Variants in ZFAT observed in about 807,000 individuals in gnomAD.
ZFAT encodes zinc finger and AT-hook domain containing.
A neutral mutation model predicts 117.7 loss-of-function variants in ZFAT; 64 were observed. That is an observed-to-expected ratio of 0.54 (90% CI 0.44 to 0.67). ZFAT has a LOEUF of 0.67. Among genes scored for constraint, ZFAT ranks in the 30% least tolerant of loss-of-function variants. ZFAT has a pLI of 0.00. For missense variants in ZFAT, 1,433 were observed against 1,584.5 expected (o/e 0.90, Z 1.62); for synonymous variants, 679 against 615.0 (o/e 1.10, Z -1.54).
chr8:134,590,495 C>T lies in ZFAT; in HGVS notation c.2476-140G>A. ...TATCAACAGTCATCACCACCACCAC[C>T]ATCACATCACCATCATCAATACCAT... On this transcript the variant is annotated intron_variant, in intron 7 of 15. Transcript: ENST00000377838. 4.8e-6 allele frequency: 3 copies of T among 625,642 alleles called. No homozygotes were observed. The South Asian group carries it at 5.7e-5, about 12-fold the overall frequency. 38.8% of individuals were successfully genotyped at this position (625,642 alleles called of 1,614,324 possible). A position where few individuals can be genotyped will look rare whatever the true frequency, so the allele number is the denominator to read the frequency against.
the ZFAT span, chr8:134,765,505 C>T: frequency 1.3e-5 from 2 of 152,188 alleles, no homozygotes; most frequent in Non-Finnish European, 2.9e-5. Flanking sequence ...TATTACTCCC[C>T]TTTACAAATG....
chr8:134,675,890 C>T (rs1832774598), intron 1 of ZFAT, among the ~76,000 whole-genome samples: 1 of 152,078 alleles, frequency 6.6e-6, no homozygotes, highest in Non-Finnish European at 1.5e-5. Context: ...GACAAGCAAA[C>T]ACTGAGAGAT....
At chr8:134,576,374 A>C (rs923001236) in intron 10 of ZFAT, among the ~76,000 whole-genome samples, 4 of 152,108 alleles carry the variant, frequency 2.6e-5, no homozygotes, top group Admixed American at 2.0e-4. Flanking sequence ...TCTCCTGCCC[A>C]CCACCCAGAC....
the ZFAT span, among the ~76,000 whole-genome samples, chr8:134,831,413 G>A: frequency 6.6e-6 from 1 of 152,146 alleles, no homozygotes; most frequent in African/African-American, 2.4e-5. Flanking sequence ...TTAAACACTG[G>A]CATAGCAACG....
the ZFAT span, among the ~76,000 whole-genome samples, chr8:134,811,844 T>C: frequency 5.9e-5 from 9 of 152,348 alleles, no homozygotes; most frequent in East Asian, 1.7e-3. Context: ...CTGTGGCTAT[T>C]TGCCATCTGT....
chr8:134,520,290 T>A (rs1820556647), intron 13 of ZFAT, among the ~76,000 whole-genome samples: 1 of 152,142 alleles, frequency 6.6e-6, no homozygotes, highest in African/African-American at 2.4e-5. Context: ...ATTGTCCAGA[T>A]CAAAATGTCG....
intron 10 of ZFAT, among the ~76,000 whole-genome samples, chr8:134,571,235 T>G (rs1404867718): frequency 6.6e-6 from 1 of 152,014 alleles, no homozygotes; most frequent in African/African-American, 2.4e-5. Flanking sequence ...TGGTGGAGCA[T>G]GAGGGAGTGT....
chr8:134,710,923 T>G (rs1229047706), intron 1 of ZFAT, among the ~76,000 whole-genome samples: 2 of 152,202 alleles, frequency 1.3e-5, no homozygotes. Context: ...CATAAGTCCT[T>G]ACCAGTAAAA....
chr8:134,483,748 C>G (rs188770907), intron 15 of ZFAT, among the ~76,000 whole-genome samples: 1 of 152,208 alleles, frequency 6.6e-6, no homozygotes, highest in Non-Finnish European at 1.5e-5. Flanking sequence ...TTCTGCTGTT[C>G]CGCTGTCTCC....
In ZFAT at chr8:134,565,160, G is replaced by A. The variant is rs748474285; in HGVS notation, c.2976+173C>T. On this transcript the variant is annotated intron_variant, in intron 11 of 15. Coordinates refer to ENST00000377838, the MANE Select transcript of ZFAT (RefSeq NM_020863.4). ...CAGAGCAATGCTACGCTTCTGGAACGAGAGAGCACAAATAAGCTGCACTAT... is the reference window on the plus strand; with the variant it reads ...CAGAGCAATGCTACGCTTCTGGAACAAGAGAGCACAAATAAGCTGCACTAT... The A allele has an allele frequency of 2.3e-5, 35 of 1,531,160 alleles. No homozygotes were observed. In the South Asian group the frequency reaches 2.8e-4, roughly 12 times the overall value. 94.8% of individuals were successfully genotyped at this position (1,531,160 alleles called of 1,614,324 possible). A position where few individuals can be genotyped will look rare whatever the true frequency, so the allele number is the denominator to read the frequency against.
At chr8:134,592,506 C>T (rs1371381427) in intron 7 of ZFAT, among the ~76,000 whole-genome samples, 1 of 152,156 alleles carries the variant, frequency 6.6e-6, no homozygotes, top group African/African-American at 2.4e-5. Flanking sequence ...AATGATTTAA[C>T]CTCTCAGTGC....
intron 2 of ZFAT, among the ~76,000 whole-genome samples, chr8:134,646,173 C>A (rs1000579994): frequency 2.6e-5 from 4 of 152,156 alleles, no homozygotes; most frequent in African/African-American, 9.7e-5. Flanking sequence ...CACGCCACTG[C>A]ACTCCAGCCT....
At chr8:134,552,547 C>T (rs1823246253) in intron 11 of ZFAT, among the ~76,000 whole-genome samples, 1 of 152,180 alleles carries the variant, frequency 6.6e-6, no homozygotes, top group African/African-American at 2.4e-5. Context: ...TTTGAAGATT[C>T]AATTGCATTT....
In ZFAT at chr8:134,485,954, A is replaced by G. The variant is rs188845488; in HGVS notation, c.3493-7233T>C. On this transcript the variant is annotated intron_variant, in intron 15 of 15. Coordinates refer to ENST00000377838, the MANE Select transcript of ZFAT (RefSeq NM_020863.4). Reference sequence around the variant, plus strand: ...ACCTCCTGGTGCCCGAGTTCCCCACATGCCTGTGCAGAGGGCTGGGGCCGC... The same window carrying G: ...ACCTCCTGGTGCCCGAGTTCCCCACGTGCCTGTGCAGAGGGCTGGGGCCGC... 2.5e-3 allele frequency among the ~76,000 whole-genome samples: 376 copies of G among 152,360 alleles called. 1 individual carries two copies. Among genetic ancestry groups the G allele is most frequent in the Middle Eastern group, 0.017 (5 of 294 alleles).
chr8:134,742,936 A>C, the ZFAT span, among the ~76,000 whole-genome samples: 1 of 152,128 alleles, frequency 6.6e-6, no homozygotes, highest in East Asian at 1.9e-4. Context: ...CCTGACACCC[A>C]TTCAGTGCAC....
At chr8:134,623,298 A>C (rs1829264228) in intron 3 of ZFAT, among the ~76,000 whole-genome samples, 1 of 152,040 alleles carries the variant, frequency 6.6e-6, no homozygotes, top group South Asian at 2.1e-4. Flanking sequence ...CCTGCTCTCC[A>C]TCCCTGGACA....
chr8:134,768,927 C>T, the ZFAT span, among the ~76,000 whole-genome samples: 2 of 152,164 alleles, frequency 1.3e-5, no homozygotes, highest in Non-Finnish European at 2.9e-5. Flanking sequence ...AATCCCAGCA[C>T]TTTGGGAGGC....
At chr8:134,757,020 T>C in the ZFAT span, among the ~76,000 whole-genome samples, 1 of 144,848 alleles carries the variant, frequency 6.9e-6, no homozygotes, top group East Asian at 2.0e-4. Context: ...TTTTTTTTTT[T>C]TTTTTTTTTT....
chr8:134,719,997 A>G, the ZFAT span, among the ~76,000 whole-genome samples: 2 of 152,256 alleles, frequency 1.3e-5, no homozygotes, highest in South Asian at 2.1e-4. Context: ...GCCATGGAAC[A>G]CAAACAGCAC....
Sources: gnomAD v4.1 joint callset for allele counts (sites outside exome capture counted in the v4.1 genomes callset) on GRCh38, gnomAD v4.1.1 for gene constraint, MANE v1.5 for transcripts, NCBI Gene and HGNC (gene_info 2026-07-23, HGNC 2026-07-21) for gene names.